Variants in SMS observed in about 807,000 individuals in gnomAD.
SMS encodes the protein spermine synthase.
Under a neutral mutation model 33.0 loss-of-function variants are expected in SMS, and 3 were observed. The observed-to-expected ratio is 0.09, with a 90% CI of 0.04 to 0.23. The LOEUF is 0.23. Ranked by LOEUF, SMS falls within the 10% of genes least tolerant of loss-of-function variation. SMS has a pLI of 1.00. For synonymous variants in SMS, 103 were observed against 112.2 expected, an observed-to-expected ratio of 0.92 and a Z score of 0.52; for missense variants, 117 against 288.6, an observed-to-expected ratio of 0.41 and a Z score of 4.31.
At chrX:21,962,225 C>G (rs1394744048) in intron 1 of SMS, among the ~76,000 whole-genome samples, 1 of 111,810 alleles carries the variant, frequency 8.9e-6, no homozygotes, top group Non-Finnish European at 1.9e-5. Flanking sequence ...GCCTTTCTTA[C>G]CACGTTGTTA....
intron 4 of SMS, among the ~76,000 whole-genome samples, chrX:21,974,198 C>A (rs1204766009): frequency 1.8e-5 from 2 of 112,565 alleles, no homozygotes; most frequent in East Asian, 2.8e-4. Context: ...AATTACTCAG[C>A]ATGCTAAGTT....
chrX:21,979,015 T>C (rs1326484019), intron 7 of SMS, 49 bp downstream of exon 7: 1 of 909,464 alleles, frequency 1.1e-6, no homozygotes, highest in Non-Finnish European at 1.6e-6. Flanking sequence ...ATAATATAAG[T>C]TATTGATCAG....
chrX:21,989,897 C>T (rs1428860918), intron 9 of SMS, among the ~76,000 whole-genome samples: 1 of 110,576 alleles, frequency 9.0e-6, no homozygotes, highest in Non-Finnish European at 1.9e-5. Flanking sequence ...TGTGAGCCAC[C>T]ACACCTGGCT....
intron 7 of SMS, among the ~76,000 whole-genome samples, chrX:21,982,652 T>C (rs938611399): frequency 8.9e-6 from 1 of 112,611 alleles, no homozygotes; most frequent in African/African-American, 3.2e-5. Flanking sequence ...AGAATGTTTT[T>C]AGTGGAATGG....
chrX:21,968,415 A>T (rs768464072), intron 2 of SMS, among the ~76,000 whole-genome samples: 1 of 112,316 alleles, frequency 8.9e-6, no homozygotes, highest in African/African-American at 3.2e-5. Flanking sequence ...CAGTGGTTCT[A>T]TGTGGCCAGG....
chrX:21,953,723 C>T (rs746922505), intron 1 of SMS, among the ~76,000 whole-genome samples: 13 of 111,958 alleles, frequency 1.2e-4, no homozygotes, highest in Non-Finnish European at 2.4e-4. Flanking sequence ...TTCCCTTATC[C>T]TGTTGGTGCT....
intron 7 of SMS, among the ~76,000 whole-genome samples, chrX:21,982,779 C>T (rs1269075882): frequency 8.9e-6 from 1 of 112,313 alleles, no homozygotes; most frequent in Non-Finnish European, 1.9e-5. Flanking sequence ...TGTTTGTGTG[C>T]AAGTATTCGT....
chrX:21,990,839 T>G (rs1464357922), intron 9 of SMS, among the ~76,000 whole-genome samples: 1 of 112,878 alleles, frequency 8.9e-6, no homozygotes, highest in African/African-American at 3.2e-5. Flanking sequence ...AATCTTAAAT[T>G]ACACGTGTGG....
chrX:21,987,654 A>G, intron 9 of SMS, among the ~76,000 whole-genome samples: 1 of 112,782 alleles, frequency 8.9e-6, no homozygotes, highest in Non-Finnish European at 1.9e-5. Flanking sequence ...CTGCAAATAC[A>G]TAAAAGGAAA....
chrX:21,984,542 C>T (rs1925196862), intron 8 of SMS, 124 bp downstream of exon 8: 1 of 527,613 alleles, frequency 1.9e-6, no homozygotes, highest in African/African-American at 2.3e-5. Flanking sequence ...AAATTGAGGT[C>T]CATGGTGGAA....
chrX:21,956,337 G>A (rs1922968552), intron 1 of SMS, among the ~76,000 whole-genome samples: 1 of 112,649 alleles, frequency 8.9e-6, no homozygotes, highest in African/African-American at 3.2e-5. Context: ...AGGCAGGAGT[G>A]CAATGGCAAG....
intron 1 of SMS, among the ~76,000 whole-genome samples, chrX:21,958,122 CTATT>C (rs780280359): frequency 1.8e-5 from 2 of 111,350 alleles, no homozygotes; most frequent in African/African-American, 3.3e-5. Flanking sequence ...TAATTAGGTC[CTATT>C]TATTTATTTT....
At chrX:21,991,969 A>G (rs1324308150) in intron 9 of SMS, among the ~76,000 whole-genome samples, 1 of 111,922 alleles carries the variant, frequency 8.9e-6, no homozygotes, top group Non-Finnish European at 1.9e-5. Context: ...GACTACCCCT[A>G]GCTGCTGGAG....
chrX:21,975,585 C>T (rs774459274), intron 4 of SMS, among the ~76,000 whole-genome samples: 2 of 111,337 alleles, frequency 1.8e-5, no homozygotes, highest in East Asian at 2.9e-4. Flanking sequence ...GAGGCTTCCT[C>T]CAAGTCCTGT....
chrX:21,973,081 G>A (rs982903500), intron 4 of SMS, among the ~76,000 whole-genome samples: 2 of 111,451 alleles, frequency 1.8e-5, no homozygotes, highest in African/African-American at 6.5e-5. Context: ...ACATTCATGT[G>A]CATGGATGCA....
intron 1 of SMS, among the ~76,000 whole-genome samples, chrX:21,952,384 T>G (rs969690007): frequency 3.9e-4 from 42 of 107,415 alleles, no homozygotes; most frequent in African/African-American, 1.4e-3. Flanking sequence ...GTTTTTTTCT[T>G]TAACCTATTA....
At chrX:21,961,034 C>CT (rs773159264) in intron 1 of SMS, among the ~76,000 whole-genome samples, 1,650 of 41,512 alleles carry the variant, frequency 0.04, 21 homozygotes, top group East Asian at 0.073. Flanking sequence ...ATATGCATGT[C>CT]TTTTTTTTTT....
intron 1 of SMS, among the ~76,000 whole-genome samples, chrX:21,959,406 G>C (rs748484885): frequency 8.9e-6 from 1 of 112,098 alleles, no homozygotes; most frequent in South Asian, 3.7e-4. Context: ...GATGCTCTCA[G>C]ACCCTTAGGC....
chrX:21,991,501 G>A (rs1284947965), intron 9 of SMS, among the ~76,000 whole-genome samples: 2 of 112,037 alleles, frequency 1.8e-5, no homozygotes, highest in Non-Finnish European at 3.8e-5. Flanking sequence ...CTTAAGAAAC[G>A]GAATCAGCCA....
Sources: gnomAD v4.1 joint callset for allele counts (sites outside exome capture counted in the v4.1 genomes callset) on GRCh38, gnomAD v4.1.1 for gene constraint, MANE v1.5 for transcripts, NCBI Gene and HGNC (gene_info 2026-07-23, HGNC 2026-07-21) for gene names.